BICC1: variants seen among roughly 807,000 people sequenced by gnomAD.
BICC1 encodes the protein protein bicaudal C homolog 1.
BICC1 carries 43 observed loss-of-function variants against 111.0 expected under a neutral mutation model. The observed-to-expected ratio is 0.39, with a 90% confidence interval of 0.30 to 0.50. The LOEUF (loss-of-function observed/expected upper bound fraction) is 0.50. Ranked by LOEUF, BICC1 falls within the 20% of genes least tolerant of loss-of-function variation. The pLI is 0.88. For synonymous variants in BICC1, 467 were observed against 434.4 expected (o/e 1.07, Z -0.93); for missense variants, 1,091 against 1,203.2 (o/e 0.91, Z 1.38).
At chr10:58,818,831 G>A (rs1844173830) in intron 19 of BICC1, among the ~76,000 whole-genome samples, 1 of 152,094 alleles carries the variant, frequency 6.6e-6, no homozygotes. Context: ...GCTGGAAGCA[G>A]AAGTATTTTA....
At chr10:58,695,076 A>G (rs1840029083) in intron 2 of BICC1, among the ~76,000 whole-genome samples, 1 of 152,220 alleles carries the variant, frequency 6.6e-6, no homozygotes, top group Non-Finnish European at 1.5e-5. Context: ...AATTATTGTG[A>G]GGAATAAATG....
Position 58,702,101 on chromosome 10 carries a change from G to T in BICC1, c.265G>T (p.Ala89Ser), listed in dbSNP as rs1173293389. ...CATGGAGGAAACAAATACGCAGATT[G>T]CTTGGCCATCAAAACTGAAGATCGG... Reference protein sequence around the residue: ...KIMEETNTQIAWPSKLKIGAK... With the variant: ...KIMEETNTQISWPSKLKIGAK... The change falls in exon 3 of 21, where the codon GCT becomes TCT. Residue 89 changes from alanine (A) to serine (S), a missense_variant. Ala to Ser is a moderately conservative substitution (Grantham distance 99). Around this residue, in one of 3 missense-constraint regions of BICC1, gnomAD observed 843 missense variants for 900.8 expected, o/e 0.94. Transcript: ENST00000373886. The T allele has an allele frequency of 6.2e-7, 1 of 1,613,290 alleles. No homozygotes were observed.
intron 2 of BICC1, among the ~76,000 whole-genome samples, chr10:58,642,639 C>T (rs982594387): frequency 6.6e-6 from 1 of 151,890 alleles, no homozygotes; most frequent in Non-Finnish European, 1.5e-5. Context: ...TCACCAAAAA[C>T]ACATATGCTC....
intron 1 of BICC1, among the ~76,000 whole-genome samples, chr10:58,566,000 G>C (rs116826909): frequency 0.028 from 4,262 of 152,076 alleles, 190 homozygotes; most frequent in African/African-American, 0.097. Flanking sequence ...ATAGTCCATT[G>C]TATCATTCTT....
At chr10:58,518,865 G>A (rs1401225461) in intron 1 of BICC1, among the ~76,000 whole-genome samples, 2 of 152,100 alleles carry the variant, frequency 1.3e-5, no homozygotes, top group African/African-American at 2.4e-5. Flanking sequence ...TCACGCTCAC[G>A]GGCATGGAGC....
intron 3 of BICC1, among the ~76,000 whole-genome samples, chr10:58,740,163 C>A (rs190497046): frequency 3.3e-5 from 5 of 152,236 alleles, no homozygotes; most frequent in African/African-American, 1.2e-4. Flanking sequence ...CTGGAGTAGT[C>A]CTGGCACTAG....
chr10:58,657,184 G>C (rs1398815177), intron 2 of BICC1, among the ~76,000 whole-genome samples: 1 of 152,064 alleles, frequency 6.6e-6, no homozygotes, highest in East Asian at 1.9e-4. Flanking sequence ...TTCTTGAAAG[G>C]CCAACTCAAA....
chr10:58,724,053 C>CTAA (rs141687758), intron 3 of BICC1, among the ~76,000 whole-genome samples: 2,588 of 152,264 alleles, frequency 0.017, 83 homozygotes, highest in African/African-American at 0.06. Context: ...AGCAGCCAAG[C>CTAA]TAATGTTCAG....
At chr10:58,663,818 T>C (rs552679800) in intron 2 of BICC1, among the ~76,000 whole-genome samples, 14 of 152,320 alleles carry the variant, frequency 9.2e-5, no homozygotes, top group Non-Finnish European at 2.1e-4. Context: ...AATAGAATCA[T>C]ATGCTATAGT....
intron 1 of BICC1, among the ~76,000 whole-genome samples, chr10:58,543,275 C>T (rs944255182): frequency 6.6e-6 from 1 of 152,064 alleles, no homozygotes; most frequent in East Asian, 1.9e-4. Flanking sequence ...AGACACATAC[C>T]ACATGATTCC....
intron 1 of BICC1, among the ~76,000 whole-genome samples, chr10:58,531,500 AAAAATT>A (rs1842681141): frequency 6.6e-6 from 1 of 151,892 alleles, no homozygotes; most frequent in Admixed American, 6.6e-5. Context: ...ATTCAAATAC[AAAAATT>A]ACAACAAAAT....
chr10:58,816,231 G>C (rs1351783878), intron 18 of BICC1, among the ~76,000 whole-genome samples: 2 of 152,122 alleles, frequency 1.3e-5, no homozygotes, highest in African/African-American at 4.8e-5. Flanking sequence ...GCTTATCGCA[G>C]TCCACTTTGT....
At chr10:58,716,970 A>G in intron 3 of BICC1, among the ~76,000 whole-genome samples, 1 of 151,628 alleles carries the variant, frequency 6.6e-6, no homozygotes, top group Non-Finnish European at 1.5e-5. Context: ...AACCAGAGAA[A>G]CAGCCATTTG....
chr10:58,636,032 T>C (rs1391842699), intron 2 of BICC1, among the ~76,000 whole-genome samples: 1 of 152,228 alleles, frequency 6.6e-6, no homozygotes, highest in East Asian at 1.9e-4. Context: ...GTTGATACAC[T>C]AATAGTCCAA....
chr10:58,541,743 G>T (rs1177584549), intron 1 of BICC1, among the ~76,000 whole-genome samples: 1 of 151,944 alleles, frequency 6.6e-6, no homozygotes, highest in Non-Finnish European at 1.5e-5. Flanking sequence ...ACCCAGAAAA[G>T]CCAAAAAAGT....
At chr10:58,781,525 G>T (rs902581962) in intron 3 of BICC1, among the ~76,000 whole-genome samples, 8 of 152,084 alleles carry the variant, frequency 5.3e-5, no homozygotes, top group African/African-American at 1.9e-4. Context: ...GTTCTTCAAA[G>T]CAATTAATTT....
intron 17 of BICC1, among the ~76,000 whole-genome samples, chr10:58,808,068 C>T (rs1449534795): frequency 7.1e-6 from 1 of 140,402 alleles, no homozygotes; most frequent in Non-Finnish European, 1.5e-5. Context: ...CAAAAGCAAA[C>T]ATGCTGCTTT....
intron 2 of BICC1, among the ~76,000 whole-genome samples, chr10:58,695,324 A>G (rs372592305): frequency 6.6e-6 from 1 of 152,170 alleles, no homozygotes; most frequent in East Asian, 1.9e-4. Flanking sequence ...AATGCAGCGA[A>G]TAGACTACCA....
At chr10:58,528,316 G>C (rs1842597772) in intron 1 of BICC1, among the ~76,000 whole-genome samples, 1 of 151,866 alleles carries the variant, frequency 6.6e-6, no homozygotes, top group Admixed American at 6.6e-5. Context: ...TACTGTTAGT[G>C]ATAGAACATT....
Sources: allele counts gnomAD v4.1 joint callset (sites outside exome capture counted in the v4.1 genomes callset), GRCh38; gene constraint gnomAD v4.1.1; regional missense constraint gnomAD v4.1.1; transcripts MANE v1.5; gene names NCBI Gene and HGNC (gene_info 2026-07-23, HGNC 2026-07-21).